Variants in SYT7 observed in about 807,000 individuals in gnomAD.
SYT7 encodes the protein synaptotagmin 7.
In SYT7, 29 loss-of-function variants were observed where a neutral mutation model predicts 75.1. The observed-to-expected ratio is 0.39, with a 90% confidence interval of 0.29 to 0.53. SYT7 has a LOEUF of 0.53. Among genes scored for constraint, SYT7 ranks in the 20% least tolerant of loss-of-function variants. The pLI is 0.77. For missense variants in SYT7, 693 were observed against 953.2 expected, an observed-to-expected ratio of 0.73 and a Z score of 3.59; for synonymous variants, 376 against 401.7, an observed-to-expected ratio of 0.94 and a Z score of 0.76.
chr11:61,522,721 C>T (rs537567327), intron 12 of SYT7, among the ~76,000 whole-genome samples: 119 of 152,268 alleles, frequency 7.8e-4, no homozygotes, highest in African/African-American at 2.7e-3. Context: ...CGCAGCTCAC[C>T]CTGTGCAGAT....
At chr11:61,534,420 T>C (rs1210487220) in intron 7 of SYT7, among the ~76,000 whole-genome samples, 6 of 135,688 alleles carry the variant, frequency 4.4e-5, no homozygotes, top group African/African-American at 2.0e-4. Flanking sequence ...CACGCACACA[T>C]GCGCATACAC....
intron 6 of SYT7, chr11:61,540,979 T>C: frequency 1.0e-6 from 1 of 985,454 alleles, no homozygotes; most frequent in Non-Finnish European, 1.2e-6. Context: ...GGTGTCCTGA[T>C]TTGCCAAAGA....
At position 61,551,322 on chromosome 11, in the gene SYT7, G is replaced by A. The variant is rs1337414589; in HGVS notation, c.215+62C>T. 15 of 1,506,010 alleles carry A rather than the reference G, an allele frequency of 1.0e-5. No homozygotes were observed. The highest frequency in any genetic ancestry group is 1.3e-5 in the Non-Finnish European group (14 of 1,086,328). The allele number at this position is 1,506,010 out of a possible 1,614,324, so 93.3% of individuals were successfully genotyped here. A position where few individuals can be genotyped will look rare whatever the true frequency, so the allele number is the denominator to read the frequency against. ...AGGTCTGTGGGGCTGGGGGAGAGAA[G>A]GGGCTCCTCCCACCTGGGCTGCTTG... On this transcript the variant is annotated intron_variant, in intron 3 of 12. Transcript: ENST00000539008. This position sits in a 1 kb window ranked among gnomAD's most constrained non-coding sequence, Gnocchi z 5.3.
At chr11:61,566,177 G>A (rs1266014131) in intron 1 of SYT7, among the ~76,000 whole-genome samples, 1 of 152,224 alleles carries the variant, frequency 6.6e-6, no homozygotes, top group African/African-American at 2.4e-5. Flanking sequence ...TCTGTACAGT[G>A]CAGAGCAGTT....
chr11:61,567,647 G>T (rs989496616), intron 1 of SYT7, among the ~76,000 whole-genome samples: 1 of 152,200 alleles, frequency 6.6e-6, no homozygotes, highest in Non-Finnish European at 1.5e-5. Context: ...GGGCCGCCCC[G>T]CGAACGTGGT....
In SYT7 at chr11:61,529,506, T is replaced by C. The variant is rs141720363; in HGVS notation, c.1201-1321A>G. ...AAGGCTGACGGCAGTAGGAACCCTC[T>C]CTGACTCAAAATCCTGCTCTTTCCA... is the stretch of plus-strand genomic sequence containing the variant. On this transcript the variant is annotated intron_variant, in intron 8 of 12. Transcript: ENST00000539008. Among the ~76,000 whole-genome samples the C allele has an allele frequency of 1.1e-3, 168 of 152,236 alleles. 1 individual carries two copies. The highest frequency in any genetic ancestry group is 3.7e-3 in the African/African-American group (154 of 41,546).
chr11:61,558,485 T>TATACACAC (rs1555015803), intron 1 of SYT7, among the ~76,000 whole-genome samples: 1 of 137,448 alleles, frequency 7.3e-6, no homozygotes, highest in Non-Finnish European at 1.5e-5. Context: ...AATATATATA[T>TATACACAC]ACACACACAC....
intron 1 of SYT7, among the ~76,000 whole-genome samples, chr11:61,558,475 AATATAT>A: frequency 7.0e-6 from 1 of 143,078 alleles, no homozygotes; most frequent in African/African-American, 2.8e-5. Flanking sequence ...GTTTCAAAAA[AATATAT>A]ATATACACAC....
chr11:61,543,084 T>G (rs2063094621), intron 5 of SYT7, among the ~76,000 whole-genome samples: 1 of 152,250 alleles, frequency 6.6e-6, no homozygotes, highest in Non-Finnish European at 1.5e-5. Context: ...AGTGCAGAGC[T>G]GGCCTAGTAA....
chr11:61,533,403 A>C, intron 7 of SYT7: 1 of 985,306 alleles, frequency 1.0e-6, no homozygotes, highest in Non-Finnish European at 1.2e-6. Context: ...GTTCCCCAGA[A>C]ACCCCCCACC....
At position 61,517,781 on chromosome 11, in the gene SYT7, A is replaced by G; in HGVS notation, c.*846T>C. 1 of 358,376 alleles carries G rather than the reference A, an allele frequency of 2.8e-6. No individual in the cohort carries two copies. The highest frequency in any genetic ancestry group is 5.0e-6 in the Non-Finnish European group (1 of 201,356). The allele number at this position is 358,376 out of a possible 1,614,324, so 22.2% of individuals were successfully genotyped here. On this transcript the variant is annotated 3_prime_UTR_variant, in exon 13 of 13. Transcript: ENST00000539008. Reference sequence around the variant, plus strand: ...AAAGGTGTGAGTCAGTGTTCAAGAGATGAAATTGCTGAGGAGGGAACTACT... The same window carrying G: ...AAAGGTGTGAGTCAGTGTTCAAGAGGTGAAATTGCTGAGGAGGGAACTACT...
intron 12 of SYT7, among the ~76,000 whole-genome samples, chr11:61,520,522 TA>T (rs34869695): frequency 0.025 from 3,554 of 141,594 alleles, 76 homozygotes; most frequent in Non-Finnish European, 0.034. Flanking sequence ...AGACTCTGTC[TA>T]AAAAAAAAAA....
chr11:61,546,565 C>T lies in SYT7; in HGVS notation c.348-310G>A, dbSNP rs1308387247. 8 of 395,762 alleles carry T rather than the reference C, an allele frequency of 2.0e-5. No homozygotes were observed. Among genetic ancestry groups the T allele is most frequent in the South Asian group, 5.2e-5 (3 of 57,406 alleles). 24.5% of individuals were successfully genotyped at this position (395,762 alleles called of 1,614,324 possible). ...CAACGGAGGGGGGGCCCCTCCCCAC[C>T]GCCTGGGGCAGGGGCGGCGGGGGTT... On this transcript the variant is annotated intron_variant, in intron 4 of 12. Transcript: ENST00000539008. This position sits in a 1 kb window ranked among gnomAD's most constrained non-coding sequence, Gnocchi z 7.6.
Position 61,542,282 on chromosome 11 carries a change from G to A in SYT7, c.870C>T (p.Arg290=). 1.3e-6 allele frequency: 2 copies of A among 1,535,126 alleles called. No individual in the cohort carries two copies. Among genetic ancestry groups the A allele is most frequent in the Non-Finnish European group, 8.7e-7 (1 of 1,146,380 alleles). The change falls in exon 6 of 13, where the codon CGC becomes CGT. Residue 290 remains arginine (R), a synonymous_variant. Coordinates refer to ENST00000539008, the MANE Select transcript of SYT7 (RefSeq NM_001365809.2). The surrounding 1 kb of genome is among the most constrained non-coding windows in gnomAD (Gnocchi z 7.8). The stretch of plus-strand genomic sequence containing the variant: ...CGTGGTCCCAGCTGCCTGGGTTGGA[G>A]CGGCTGCGGCCCCCTGCCGCCCGGT... ...SKYRAAGGRS[R]SNPGSWDHVV... is the part of the protein sequence containing the mutation.
In SYT7 at chr11:61,542,191, C is replaced by T. The variant is rs1464644840; in HGVS notation, c.941+20G>A. 24 of 1,529,378 alleles carry T rather than the reference C, an allele frequency of 1.6e-5. No individual in the cohort carries two copies. The highest frequency in any genetic ancestry group is 1.8e-5 in the Non-Finnish European group (21 of 1,143,998). 94.7% of individuals were successfully genotyped at this position (1,529,378 alleles called of 1,614,324 possible). A position where few individuals can be genotyped will look rare whatever the true frequency, so the allele number is the denominator to read the frequency against. Reference sequence around the variant, plus strand: ...TGGGTCAGGGAGGTGGGGGCCGGCCCGCTCAAGGGGAGGACTTACAGGAAG... The same window carrying T: ...TGGGTCAGGGAGGTGGGGGCCGGCCTGCTCAAGGGGAGGACTTACAGGAAG... On this transcript the variant is annotated intron_variant, in intron 6 of 12. Coordinates refer to ENST00000539008, the MANE Select transcript of SYT7 (RefSeq NM_001365809.2). This position sits in a 1 kb window ranked among gnomAD's most constrained non-coding sequence, Gnocchi z 7.8.
Position 61,521,073 on chromosome 11 carries a change from G to A in SYT7, c.1956+2002C>T, listed in dbSNP as rs369926245. ...AGCTGGTTAACTATTCGGAGGTCAC[G>A]GAGCTCTAGGGCCACTGTGGGCCTG... On this transcript the variant is annotated intron_variant, in intron 12 of 12. Transcript: ENST00000539008. 1.2e-4 allele frequency among the ~76,000 whole-genome samples: 18 copies of A among 152,338 alleles called. No homozygotes were observed. In the East Asian group the frequency reaches 1.9e-3, roughly 16 times the overall value.
chr11:61,530,273 T>C (rs1314939775), intron 8 of SYT7, among the ~76,000 whole-genome samples: 1 of 151,944 alleles, frequency 6.6e-6, no homozygotes, highest in East Asian at 1.9e-4. Flanking sequence ...TCCTGCCTAG[T>C]TGGGGGCACC....
Position 61,516,538 on chromosome 11 carries a change from C to G in SYT7, c.*2089G>C. Reference sequence around the variant, plus strand: ...GGCGGGTGGTGGGGGGACAGGAAACCGAGGCGGATCCAAGAGAGGAGTGGA... The same window carrying G: ...GGCGGGTGGTGGGGGGACAGGAAACGGAGGCGGATCCAAGAGAGGAGTGGA... On this transcript the variant is annotated 3_prime_UTR_variant, in exon 13 of 13. Coordinates refer to ENST00000539008, the MANE Select transcript of SYT7 (RefSeq NM_001365809.2). The surrounding 1 kb of genome is among the most constrained non-coding windows in gnomAD (Gnocchi z 4.6). 1 of 152,114 alleles carries G rather than the reference C, an allele frequency of 6.6e-6. No individual in the cohort carries two copies. Among genetic ancestry groups the G allele is most frequent in the Non-Finnish European group, 1.5e-5 (1 of 68,038 alleles). 9.4% of individuals were successfully genotyped at this position (152,114 alleles called of 1,614,324 possible).
rs184771687 is a variant in SYT7, at chr11:61,574,882, G to A, written c.31+5908C>T. ...CGCCGGGAGCAGCTGCCGCGGCAGGGTTTGAAGTAATTTAATTGGACACAT... is the reference window on the plus strand; with the variant it reads ...CGCCGGGAGCAGCTGCCGCGGCAGGATTTGAAGTAATTTAATTGGACACAT... On this transcript the variant is annotated intron_variant, in intron 1 of 12. Coordinates refer to ENST00000539008, the MANE Select transcript of SYT7 (RefSeq NM_001365809.2). Among the ~76,000 whole-genome samples the A allele has an allele frequency of 1.1e-3, 163 of 152,164 alleles. 5 individuals are homozygous for A. In the East Asian group the frequency reaches 0.025, roughly 23 times the overall value.
Sources: gnomAD v4.1 joint callset for allele counts (sites outside exome capture counted in the v4.1 genomes callset) on GRCh38, gnomAD v4.1.1 for gene constraint, Gnocchi (gnomAD v3.1) non-coding constraint, MANE v1.5 for transcripts, NCBI Gene and HGNC (gene_info 2026-07-23, HGNC 2026-07-21) for gene names.